Variants in DMD observed in about 807,000 individuals in gnomAD.
DMD encodes mutant dystrophin.
Under a neutral mutation model 330.1 loss-of-function variants are expected in DMD, and 63 were observed. The observed-to-expected ratio is 0.19, with a 90% CI of 0.16 to 0.24. DMD has a LOEUF of 0.24. Ranked by LOEUF, DMD falls within the 10% of genes least tolerant of loss-of-function variation. DMD has a pLI of 1.00. For synonymous variants in DMD, 1,223 were observed against 959.8 expected, an observed-to-expected ratio of 1.27 and a Z score of -5.07; for missense variants, 3,344 against 2,684.1, an observed-to-expected ratio of 1.25 and a Z score of -5.43.
At chrX:32,550,690 A>T (rs1288718536) in intron 16 of DMD, among the ~76,000 whole-genome samples, 2 of 110,822 alleles carry the variant, frequency 1.8e-5, no homozygotes, top group Non-Finnish European at 3.8e-5. Context: ...CAATGAATCT[A>T]GGAGCTGTTT....
intron 39 of DMD, 79 bp downstream of exon 39, chrX:32,345,864 T>A: frequency 1.8e-6 from 2 of 1,086,615 alleles, no homozygotes; most frequent in Non-Finnish European, 2.5e-6. Context: ...AAGCAGATTT[T>A]ATTAATGCAC....
intron 2 of DMD, among the ~76,000 whole-genome samples, chrX:32,971,815 C>A (rs1230823272): frequency 9.1e-6 from 1 of 110,443 alleles, no homozygotes; most frequent in Non-Finnish European, 1.9e-5. Context: ...TTATAGAATT[C>A]TTGAATTTGA....
At chrX:32,715,494 A>G (rs1236682409) in intron 7 of DMD, among the ~76,000 whole-genome samples, 1 of 103,836 alleles carries the variant, frequency 9.6e-6, no homozygotes, top group Admixed American at 1.1e-4. Flanking sequence ...AAAAAAAAAA[A>G]AGGAGATCTT....
chrX:32,683,120 T>C (rs1052042217), intron 9 of DMD, among the ~76,000 whole-genome samples: 2 of 111,732 alleles, frequency 1.8e-5, no homozygotes, highest in Non-Finnish European at 3.8e-5. Context: ...AACCTGCATA[T>C]TGTGATACAT....
intron 9 of DMD, among the ~76,000 whole-genome samples, chrX:32,693,996 T>G (rs918243559): frequency 8.9e-6 from 1 of 112,250 alleles, no homozygotes; most frequent in Non-Finnish European, 1.9e-5. Context: ...CCAGACATCG[T>G]ACCCTACTGT....
intron 52 of DMD, among the ~76,000 whole-genome samples, chrX:31,709,365 G>A (rs749059648): frequency 2.7e-5 from 3 of 111,546 alleles, no homozygotes; most frequent in Non-Finnish European, 5.7e-5. Flanking sequence ...GGTCTTTAAC[G>A]AAGCTGTACC....
At position 33,120,750 on chromosome X, in the gene DMD, G is replaced by A. The variant is rs767646883; in HGVS notation, c.31+90532C>T. On this transcript the variant is annotated intron_variant, in intron 1 of 78. Transcript: ENST00000357033. The stretch of plus-strand genomic sequence containing the variant: ...ACAAAAATTAGCCAGGTGTGGTGGC[G>A]TGTGCCTATAATCCCAGCTACTCGG... Among the ~76,000 whole-genome samples, 9 of 108,558 alleles carry A rather than the reference G, an allele frequency of 8.3e-5. No homozygotes were observed. The East Asian group carries it at 8.8e-4, about 11-fold the overall frequency. 94.3% of individuals were successfully genotyped at this position (108,558 alleles called of 115,157 possible). A position where few individuals can be genotyped will look rare whatever the true frequency, so the allele number is the denominator to read the frequency against.
At chrX:31,201,355 G>T (rs899953223) in intron 67 of DMD, among the ~76,000 whole-genome samples, 4 of 112,261 alleles carry the variant, frequency 3.6e-5, no homozygotes, top group African/African-American at 1.3e-4. Flanking sequence ...CCTGGGTGAC[G>T]AAGTTAGACC....
chrX:33,052,489 T>C (rs2094468740), intron 1 of DMD, among the ~76,000 whole-genome samples: 1 of 111,902 alleles, frequency 8.9e-6, no homozygotes, highest in African/African-American at 3.2e-5. Context: ...TGGAAACATT[T>C]ATTCAACTAA....
chrX:32,689,373 G>A (rs774794164), intron 9 of DMD, among the ~76,000 whole-genome samples: 1 of 110,910 alleles, frequency 9.0e-6, no homozygotes, highest in South Asian at 3.8e-4. Flanking sequence ...GTGTAAAAAT[G>A]GAAAAGTCTG....
intron 41 of DMD, among the ~76,000 whole-genome samples, chrX:32,336,104 A>G (rs1056366226): frequency 7.3e-5 from 8 of 109,599 alleles, no homozygotes; most frequent in African/African-American, 2.6e-4. Context: ...GTGTATACGT[A>G]CATGTTATAT....
chrX:32,896,293 C>A (rs184557165), intron 2 of DMD, among the ~76,000 whole-genome samples: 44 of 111,753 alleles, frequency 3.9e-4, no homozygotes, highest in African/African-American at 1.4e-3. Flanking sequence ...TTTACTTTAA[C>A]GCCTTTCATC....
At chrX:32,355,637 G>A (rs2097796491) in intron 37 of DMD, among the ~76,000 whole-genome samples, 2 of 111,120 alleles carry the variant, frequency 1.8e-5, no homozygotes, top group Admixed American at 9.6e-5. Flanking sequence ...CTTGTTATAG[G>A]GATAACCAAT....
chrX:33,136,278 CAAAAAAAAAAA>C (rs57297863), intron 1 of DMD, among the ~76,000 whole-genome samples: 3 of 19,717 alleles, frequency 1.5e-4, no homozygotes, highest in African/African-American at 2.8e-4. Context: ...GACCCCGTCT[CAAAAAAAAAAA>C]AAAAAAAAAA....
At chrX:31,318,850 T>C (rs2056225539) in intron 62 of DMD, among the ~76,000 whole-genome samples, 1 of 112,011 alleles carries the variant, frequency 8.9e-6, no homozygotes, top group Non-Finnish European at 1.9e-5. Flanking sequence ...TGAGTTTCAT[T>C]AGTGAATTCT....
chrX:32,787,627 C>G (rs1336609091), intron 7 of DMD, among the ~76,000 whole-genome samples: 1 of 111,252 alleles, frequency 9.0e-6, no homozygotes, highest in Non-Finnish European at 1.9e-5. Flanking sequence ...AGATTAATAA[C>G]TAATAGAACA....
intron 1 of DMD, among the ~76,000 whole-genome samples, chrX:33,334,719 C>T (rs1225218868): frequency 9.0e-6 from 1 of 111,329 alleles, no homozygotes. Context: ...CTATCATTTA[C>T]TGACCCCTAG....
chrX:32,980,137 G>A (rs927750107), intron 2 of DMD, among the ~76,000 whole-genome samples: 4 of 110,063 alleles, frequency 3.6e-5, no homozygotes, highest in Non-Finnish European at 7.6e-5. Flanking sequence ...AGGCCGAGGC[G>A]GGCAGATCAC....
chrX:31,208,346 G>A (rs1235499580), intron 65 of DMD, among the ~76,000 whole-genome samples: 1 of 111,892 alleles, frequency 8.9e-6, no homozygotes, highest in Non-Finnish European at 1.9e-5. Context: ...CAGCAACTCA[G>A]GTCTTCAAGG....
Sources: gnomAD v4.1 joint callset for allele counts (sites outside exome capture counted in the v4.1 genomes callset) on GRCh38, gnomAD v4.1.1 for gene constraint, MANE v1.5 for transcripts, NCBI Gene and HGNC (gene_info 2026-07-23, HGNC 2026-07-21) for gene names.